The following TRIQK variants were observed in gnomAD, a reference collection of about 807,000 sequenced individuals.
TRIQK encodes the protein triple QxxK/R motif-containing protein.
In TRIQK, 10 loss-of-function variants were observed where a neutral mutation model predicts 10.8. The ratio of observed to expected loss-of-function variants is 0.92; its 90% confidence interval spans 0.57 to 1.57. The LOEUF (loss-of-function observed/expected upper bound fraction) is 1.57, where lower values mean the gene tolerates loss of function less well. Among genes scored for constraint, TRIQK ranks in the 40% most tolerant of loss-of-function variants. The probability of loss-of-function intolerance (pLI) is 0.00; values close to 1 mark genes in which losing one functional copy is unlikely to be tolerated. For missense variants in TRIQK, 107 were observed against 97.7 expected, an observed-to-expected ratio of 1.09 and a Z score of -0.40; for synonymous variants, 33 against 33.7, an observed-to-expected ratio of 0.98 and a Z score of 0.07.
chr8:92,887,716 AT>A (rs1274215279), intron 4 of TRIQK, among the ~76,000 whole-genome samples: 1 of 151,518 alleles, frequency 6.6e-6, no homozygotes, highest in African/African-American at 2.4e-5. Context: ...TATAGTTTAC[AT>A]TTCACAAGAA....
rs1238643054 is a variant in TRIQK, at chr8:92,919,619, G to C, written c.-21-2609C>G. Among the ~76,000 whole-genome samples, 3 of 151,762 alleles carry C rather than the reference G, an allele frequency of 2.0e-5. No homozygotes were observed. The East Asian group carries it at 5.8e-4, about 29-fold the overall frequency. Reference sequence around the variant, plus strand: ...TATTCCTTTTTTTTATTGTGTTCTTGTCTAGTTTTGGTATCAGAGTAATGC... The same window carrying C: ...TATTCCTTTTTTTTATTGTGTTCTTCTCTAGTTTTGGTATCAGAGTAATGC... On this transcript the variant is annotated intron_variant, in intron 2 of 4. Transcript: ENST00000521988.
chr8:92,958,177 T>C (rs535157530), intron 1 of TRIQK, among the ~76,000 whole-genome samples: 1 of 152,040 alleles, frequency 6.6e-6, no homozygotes, highest in African/African-American at 2.4e-5. Context: ...TAGGCCCCAA[T>C]CACTAAACTT....
chr8:92,952,163 TTAAAA>T (rs1339096596), intron 2 of TRIQK, among the ~76,000 whole-genome samples: 2 of 151,186 alleles, frequency 1.3e-5, no homozygotes, highest in Non-Finnish European at 2.9e-5. Context: ...AACTGGAAAC[TTAAAA>T]TAAATATGAT....
intron 3 of TRIQK, among the ~76,000 whole-genome samples, chr8:92,911,144 T>C (rs180881379): frequency 6.6e-6 from 1 of 151,342 alleles, no homozygotes; most frequent in Non-Finnish European, 1.5e-5. Context: ...AGAGTGGAGC[T>C]TTTGAATGTT....
chr8:92,923,233 G>A lies in TRIQK; in HGVS notation c.-21-6223C>T, dbSNP rs1352491313. 3.3e-5 allele frequency among the ~76,000 whole-genome samples: 5 copies of A among 151,326 alleles called. No individual in the cohort carries two copies. The East Asian group carries it at 9.6e-4, about 29-fold the overall frequency. On this transcript the variant is annotated intron_variant, in intron 2 of 4. Transcript: ENST00000521988. ...ATCATTCATTTCTATTGCTTTGATG[G>A]TTAGATAGCAAACTCCCAAGAAATC...
intron 3 of TRIQK, 68 bp from the exon 4 acceptor site, chr8:92,892,142 T>G: frequency 9.1e-7 from 1 of 1,097,198 alleles, no homozygotes; most frequent in East Asian, 2.7e-5. Flanking sequence ...TCATTTGAAA[T>G]GTCAAAGAAT....
chr8:92,983,310 T>C (rs1343844120), intron 1 of TRIQK, among the ~76,000 whole-genome samples: 2 of 152,018 alleles, frequency 1.3e-5, no homozygotes, highest in Non-Finnish European at 1.5e-5. Context: ...TTTGTGACTG[T>C]TCTTATACAC....
intron 1 of TRIQK, among the ~76,000 whole-genome samples, chr8:93,000,005 T>C (rs1813192449): frequency 1.3e-5 from 2 of 152,176 alleles, no homozygotes; most frequent in Non-Finnish European, 2.9e-5. Context: ...GCTCTACATA[T>C]ACTTTCAACT....
Position 92,884,172 on chromosome 8 carries a change from T to C in TRIQK, c.*2450A>G, listed in dbSNP as rs922261821. 1 of 151,864 alleles carries C rather than the reference T, an allele frequency of 6.6e-6. No homozygotes were observed. The highest frequency in any genetic ancestry group is 2.4e-5 in the African/African-American group (1 of 41,398). The allele number at this position is 151,864 out of a possible 1,614,324, so 9.4% of individuals were successfully genotyped here. A position where few individuals can be genotyped will look rare whatever the true frequency, so the allele number is the denominator to read the frequency against. ...ACCCATGTCTAAAATTTGTGTCTGG[T>C]GCCAGTCTCAGATTTCTGCCAAACA... On this transcript the variant is annotated 3_prime_UTR_variant, in exon 5 of 5. Transcript: ENST00000521988.
chr8:92,905,565 G>A (rs1413560532), intron 3 of TRIQK, among the ~76,000 whole-genome samples: 2 of 152,104 alleles, frequency 1.3e-5, no homozygotes, highest in Non-Finnish European at 2.9e-5. Context: ...CGGATCCATG[G>A]TTGTTCATGT....
chr8:92,929,311 T>A (rs1344933481), intron 2 of TRIQK, among the ~76,000 whole-genome samples: 1 of 152,134 alleles, frequency 6.6e-6, no homozygotes, highest in Non-Finnish European at 1.5e-5. Flanking sequence ...AGGTATGGGG[T>A]GGCTGACGAG....
intron 2 of TRIQK, chr8:92,921,784 A>G (rs1382038309): frequency 6.6e-6 from 1 of 151,944 alleles, no homozygotes; most frequent in Non-Finnish European, 1.5e-5. Flanking sequence ...ATATAAACTG[A>G]TGCAATTATC....
At chr8:93,000,971 A>G (rs573332112) in intron 1 of TRIQK, among the ~76,000 whole-genome samples, 35 of 152,248 alleles carry the variant, frequency 2.3e-4, no homozygotes, top group South Asian at 6.2e-4. Flanking sequence ...GTCTTTACCT[A>G]TCAATAATAA....
At chr8:92,891,932 T>G in intron 4 of TRIQK, 57 bp downstream of exon 4, 2 of 1,218,986 alleles carry the variant, frequency 1.6e-6, no homozygotes, top group South Asian at 2.9e-5. Flanking sequence ...AATCCAGTTT[T>G]AGAAAATGAA....
intron 2 of TRIQK, among the ~76,000 whole-genome samples, chr8:92,921,931 T>C (rs1173718132): frequency 1.3e-5 from 2 of 151,808 alleles, no homozygotes; most frequent in Non-Finnish European, 3.0e-5. Context: ...CCCAATACAG[T>C]GAAAGCCATC....
chr8:92,962,666 C>T (rs1308160266), intron 1 of TRIQK, among the ~76,000 whole-genome samples: 1 of 152,152 alleles, frequency 6.6e-6, no homozygotes, highest in Non-Finnish European at 1.5e-5. Context: ...TCAGATCCCA[C>T]TTCTTCTTCA....
intron 2 of TRIQK, among the ~76,000 whole-genome samples, chr8:92,918,964 T>C (rs971406821): frequency 3.3e-5 from 5 of 151,902 alleles, no homozygotes; most frequent in African/African-American, 1.2e-4. Flanking sequence ...CCCAGGACCA[T>C]TTATTAAAGA....
At chr8:92,891,920 G>A (rs1816785744) in intron 4 of TRIQK, 69 bp downstream of exon 4, 1 of 1,066,626 alleles carries the variant, frequency 9.4e-7, no homozygotes, top group Non-Finnish European at 1.3e-6. Context: ...CAACATTTAT[G>A]CAATCCAGTT....
intron 3 of TRIQK, among the ~76,000 whole-genome samples, chr8:92,914,942 A>G (rs2130444535): frequency 6.6e-6 from 1 of 152,316 alleles, no homozygotes; most frequent in South Asian, 2.1e-4. Flanking sequence ...CACAATAGCC[A>G]AGATATGGAA....
Sources: gnomAD v4.1 joint callset for allele counts (sites outside exome capture counted in the v4.1 genomes callset) on GRCh38, gnomAD v4.1.1 for gene constraint, MANE v1.5 for transcripts, NCBI Gene and HGNC (gene_info 2026-07-23, HGNC 2026-07-21) for gene names.